Variants in GRM7 observed in about 807,000 individuals in gnomAD.
The protein encoded by GRM7 is glutamate metabotropic receptor 7.
In GRM7, 35 loss-of-function variants were observed where a neutral mutation model predicts 84.5. That is an observed-to-expected ratio of 0.41 (90% CI 0.32 to 0.55). GRM7 has a LOEUF of 0.55. Ranked by LOEUF, GRM7 falls within the 20% of genes least tolerant of loss-of-function variation. GRM7 has a pLI of 0.19. For synonymous variants in GRM7, 487 were observed against 455.1 expected, an observed-to-expected ratio of 1.07 and a Z score of -0.89; for missense variants, 1,003 against 1,194.6, an observed-to-expected ratio of 0.84 and a Z score of 2.36.
intron 2 of GRM7, among the ~76,000 whole-genome samples, chr3:7,190,863 A>G (rs780474467): frequency 1.3e-5 from 2 of 152,128 alleles, no homozygotes; most frequent in Non-Finnish European, 2.9e-5. Flanking sequence ...GGCATCAGAT[A>G]AAAGCTGTCC....
At chr3:7,280,680 T>G (rs1699223566) in intron 2 of GRM7, among the ~76,000 whole-genome samples, 1 of 152,242 alleles carries the variant, frequency 6.6e-6, no homozygotes, top group South Asian at 2.1e-4. Flanking sequence ...TTGCAGTACG[T>G]GTTTACAATC....
At chr3:7,099,007 T>C (rs1246456325) in intron 1 of GRM7, among the ~76,000 whole-genome samples, 2 of 151,840 alleles carry the variant, frequency 1.3e-5, no homozygotes, top group Admixed American at 1.3e-4. Flanking sequence ...ATTATCTTTT[T>C]AATTATCCTT....
intron 4 of GRM7, among the ~76,000 whole-genome samples, chr3:7,399,888 C>G (rs922635820): frequency 3.9e-5 from 6 of 152,122 alleles, no homozygotes. Context: ...GCTGAAGAAC[C>G]ATGAGCCAAA....
intron 2 of GRM7, among the ~76,000 whole-genome samples, chr3:7,220,902 G>C (rs1696778752): frequency 6.6e-6 from 1 of 152,114 alleles, no homozygotes; most frequent in African/African-American, 2.4e-5. Flanking sequence ...GCACCAGCCT[G>C]AGCAACATGG....
At chr3:7,676,069 C>T (rs1357579302) in intron 8 of GRM7, among the ~76,000 whole-genome samples, 1 of 152,056 alleles carries the variant, frequency 6.6e-6, no homozygotes, top group Non-Finnish European at 1.5e-5. Flanking sequence ...GCAAACTCCG[C>T]CTCCTGGGTT....
chr3:7,165,686 T>A (rs2125083172), intron 2 of GRM7, among the ~76,000 whole-genome samples: 1 of 152,344 alleles, frequency 6.6e-6, no homozygotes, highest in South Asian at 2.1e-4. Flanking sequence ...GGAAAAAATG[T>A]TAGCTAGGAC....
intron 5 of GRM7, among the ~76,000 whole-genome samples, chr3:7,426,616 T>C (rs1161504696): frequency 6.6e-6 from 1 of 152,118 alleles, no homozygotes; most frequent in Non-Finnish European, 1.5e-5. Flanking sequence ...TCTGCCACCT[T>C]CCTGTCCTTC....
At chr3:7,423,206 A>C (rs991400179) in intron 5 of GRM7, among the ~76,000 whole-genome samples, 43 of 152,316 alleles carry the variant, frequency 2.8e-4, no homozygotes, top group Middle Eastern at 3.4e-3. Context: ...ACTGTGTTTA[A>C]TTCTGTGCAG....
intron 4 of GRM7, among the ~76,000 whole-genome samples, chr3:7,355,324 A>T (rs1472152209): frequency 6.6e-6 from 1 of 152,014 alleles, no homozygotes; most frequent in Non-Finnish European, 1.5e-5. Context: ...TGACCTGAAA[A>T]GCTGCTAGTT....
chr3:7,560,702 C>T (rs1313568059), intron 7 of GRM7, among the ~76,000 whole-genome samples: 3 of 152,058 alleles, frequency 2.0e-5, no homozygotes, highest in East Asian at 1.9e-4. Context: ...GCATACATGC[C>T]GTGTTACTTC....
chr3:7,154,192 T>C (rs1694375672), intron 2 of GRM7, among the ~76,000 whole-genome samples: 1 of 152,166 alleles, frequency 6.6e-6, no homozygotes, highest in Admixed American at 6.6e-5. Context: ...GAACATCGGG[T>C]TCTGGCCCTA....
At chr3:7,345,399 C>T (rs766797576) in intron 4 of GRM7, among the ~76,000 whole-genome samples, 3 of 151,872 alleles carry the variant, frequency 2.0e-5, no homozygotes, top group Non-Finnish European at 4.4e-5. Context: ...GACTTAGCCT[C>T]CCAAATGGTA....
intron 9 of GRM7, among the ~76,000 whole-genome samples, chr3:7,730,155 C>G (rs535017902): frequency 2.9e-4 from 43 of 149,958 alleles, no homozygotes; most frequent in African/African-American, 7.9e-4. Flanking sequence ...TTACAGGCGC[C>G]CACCACCACA....
chr3:7,320,011 C>T (rs1262755958), intron 4 of GRM7, among the ~76,000 whole-genome samples: 1 of 152,008 alleles, frequency 6.6e-6, no homozygotes, highest in African/African-American at 2.4e-5. Context: ...GTCACTAATT[C>T]TACCATCCTC....
chr3:7,541,101 T>G (rs1415432766), intron 7 of GRM7, among the ~76,000 whole-genome samples: 1 of 152,116 alleles, frequency 6.6e-6, no homozygotes, highest in Non-Finnish European at 1.5e-5. Flanking sequence ...GTCAGGAGTT[T>G]GGCAATATTC....
At chr3:7,180,129 CATCA>C in intron 2 of GRM7, among the ~76,000 whole-genome samples, 1 of 152,296 alleles carries the variant, frequency 6.6e-6, no homozygotes, top group East Asian at 1.9e-4. Context: ...GTGCAAATAA[CATCA>C]ATCAATTTAA....
chr3:7,047,922 C>T (rs902018561), intron 1 of GRM7, among the ~76,000 whole-genome samples: 2 of 151,882 alleles, frequency 1.3e-5, no homozygotes, highest in Non-Finnish European at 2.9e-5. Flanking sequence ...TCATTAGATG[C>T]CTGGTGCTTT....
intron 7 of GRM7, among the ~76,000 whole-genome samples, chr3:7,541,920 G>A (rs539695728): frequency 6.6e-6 from 1 of 152,306 alleles, no homozygotes; most frequent in South Asian, 2.1e-4. Context: ...ACTCACGGTA[G>A]AAATCTTCCT....
At chr3:7,237,676 A>G (rs1265336065) in intron 2 of GRM7, among the ~76,000 whole-genome samples, 7 of 152,120 alleles carry the variant, frequency 4.6e-5, no homozygotes. Context: ...CCAAAGAGTG[A>G]GCAGCAGCAA....
Sources: gnomAD v4.1 joint callset for allele counts (sites outside exome capture counted in the v4.1 genomes callset) on GRCh38, gnomAD v4.1.1 for gene constraint, MANE v1.5 for transcripts, NCBI Gene and HGNC (gene_info 2026-07-23, HGNC 2026-07-21) for gene names.